The following ADPGK variants were observed in gnomAD, a reference collection of about 807,000 sequenced individuals.
ADPGK encodes the protein ADP dependent glucokinase.
Under a neutral mutation model 42.4 loss-of-function variants are expected in ADPGK, and 26 were observed. The observed-to-expected ratio is 0.61, with a 90% CI of 0.45 to 0.85. The LOEUF (loss-of-function observed/expected upper bound fraction) is 0.85. ADPGK is among the 40% of genes least tolerant of loss of function. ADPGK has a pLI of 0.00. For synonymous variants in ADPGK, 267 were observed against 252.6 expected, an observed-to-expected ratio of 1.06 and a Z score of -0.54; for missense variants, 571 against 627.0, an observed-to-expected ratio of 0.91 and a Z score of 0.95.
At position 72,752,175 on chromosome 15, in the gene ADPGK, G is replaced by A. The variant is rs186436943; in HGVS notation, c.*166C>T. The A allele has an allele frequency of 9.0e-5, 66 of 731,580 alleles. No individual in the cohort carries two copies. The African/African-American group carries it at 1.0e-3, about 11-fold the overall frequency. 45.3% of individuals were successfully genotyped at this position (731,580 alleles called of 1,614,324 possible). ...AAATCCAGTCTCATTAGCTAAATTC[G>A]GATTAAAATCTGAAATGTTTTTATG... On this transcript the variant is annotated 3_prime_UTR_variant, in exon 7 of 7. Transcript: ENST00000456471.
intron 3 of ADPGK, among the ~76,000 whole-genome samples, chr15:72,764,005 T>C (rs753244733): frequency 3.3e-5 from 5 of 152,200 alleles, no homozygotes; most frequent in Non-Finnish European, 7.3e-5. Flanking sequence ...GGACTGGCTG[T>C]TCCCATCTCT....
In ADPGK at chr15:72,757,920, G is replaced by C. The variant is rs973358235; in HGVS notation, c.644-1473C>G. The C allele has an allele frequency of 1.5e-4, 101 of 655,298 alleles. 2 individuals carry two copies. The South Asian group carries it at 1.9e-3, about 12-fold the overall frequency. The allele number at this position is 655,298 out of a possible 1,614,324, so 40.6% of individuals were successfully genotyped here. ...AAGTGACAGAGGCAAAAATAAACAG[G>C]CTCTTCTGCAAGGCAAGGATGAGAA... On this transcript the variant is annotated intron_variant, in intron 4 of 6. Coordinates refer to ENST00000456471, the MANE Select transcript of ADPGK (RefSeq NM_001365225.1).
At position 72,774,976 on chromosome 15, in the gene ADPGK, A is replaced by G; in HGVS notation, c.355T>C (p.Phe119Leu). The G allele has an allele frequency of 6.2e-7, 1 of 1,614,152 alleles. No individual in the cohort carries two copies. The highest frequency in any genetic ancestry group is 8.5e-7 in the Non-Finnish European group (1 of 1,180,022). ...LHSRNDLEEA[F>L]IHFMGKGAAA... ...GCTCCCTTCCCCATGAAGTGAATGA[A>G]GGCTTCTTCCAGATCATTCCTTGAA... Residue 119 changes from phenylalanine to leucine, a missense_variant, in exon 2 of 7, where the codon TTC becomes CTC. This residue lies in a region of ADPGK where 434 missense variants were observed against 522.7 expected (regional missense o/e 0.83). Transcript: ENST00000456471.
chr15:72,775,210 T>A, intron 1 of ADPGK, 113 bp from the exon 2 acceptor site: 1 of 895,638 alleles, frequency 1.1e-6, no homozygotes, highest in Non-Finnish European at 1.7e-6. Flanking sequence ...AAACAGGAAG[T>A]AGGTCTGAAA....
intron 3 of ADPGK, among the ~76,000 whole-genome samples, chr15:72,762,145 C>T (rs1232891216): frequency 6.6e-6 from 1 of 152,158 alleles, no homozygotes; most frequent in Non-Finnish European, 1.5e-5. Context: ...GCTGGGATTA[C>T]AGGCATGAGC....
chr15:72,782,379 G>A (rs369503780), intron 1 of ADPGK, among the ~76,000 whole-genome samples: 7 of 151,810 alleles, frequency 4.6e-5, no homozygotes, highest in African/African-American at 1.7e-4. Context: ...TAAAAAATTG[G>A]CTGGGCGTGG....
At chr15:72,781,330 A>G (rs2066455581) in intron 1 of ADPGK, among the ~76,000 whole-genome samples, 1 of 152,056 alleles carries the variant, frequency 6.6e-6, no homozygotes, top group Admixed American at 6.5e-5. Flanking sequence ...ATCTGGTCCA[A>G]CCCTTCGTTC....
At position 72,761,087 on chromosome 15, in the gene ADPGK, C is replaced by A. The variant is rs148621402; in HGVS notation, c.523-560G>T. Among the ~76,000 whole-genome samples the A allele has an allele frequency of 3.1e-3, 479 of 152,316 alleles. 1 individual carries two copies. Among genetic ancestry groups the A allele is most frequent in the Middle Eastern group, 0.01 (3 of 294 alleles). ...ACCTGCAAGCCAGGAAGAGACTTCTCACCAGAAGCCACACCTTGCTGGAAC... is the reference window on the plus strand; with the variant it reads ...ACCTGCAAGCCAGGAAGAGACTTCTAACCAGAAGCCACACCTTGCTGGAAC... On this transcript the variant is annotated intron_variant, in intron 3 of 6. Coordinates refer to ENST00000456471, the MANE Select transcript of ADPGK (RefSeq NM_001365225.1).
intron 4 of ADPGK, chr15:72,758,309 TCAATGTATCATCC>T (rs2151073169): frequency 2.9e-6 from 2 of 687,370 alleles, no homozygotes; most frequent in African/African-American, 3.5e-5. Context: ...CAATCTCTTC[TCAATGTATCATCC>T]TGCCCTCAGC....
chr15:72,762,159 C>T (rs542650218), intron 3 of ADPGK, among the ~76,000 whole-genome samples: 1 of 152,072 alleles, frequency 6.6e-6, no homozygotes, highest in Non-Finnish European at 1.5e-5. Flanking sequence ...CATGAGCCAC[C>T]GCGCCTGGCC....
At position 72,752,061 on chromosome 15, in the gene ADPGK, A is replaced by T. The variant is rs2066052420; in HGVS notation, c.*280T>A. ...GCTGACATGCTCTCAGGGGTGAAGAAGTTTAGCTTAAAATACCTGATGGCG... is the reference window on the plus strand; with the variant it reads ...GCTGACATGCTCTCAGGGGTGAAGATGTTTAGCTTAAAATACCTGATGGCG... On this transcript the variant is annotated 3_prime_UTR_variant, in exon 7 of 7. Coordinates refer to ENST00000456471, the MANE Select transcript of ADPGK (RefSeq NM_001365225.1). 3 of 397,742 alleles carry T rather than the reference A, an allele frequency of 7.5e-6. No homozygotes were observed. Among genetic ancestry groups the T allele is most frequent in the Non-Finnish European group, 1.4e-5 (3 of 219,510 alleles). The allele number at this position is 397,742 out of a possible 1,614,324, so 24.6% of individuals were successfully genotyped here. A position where few individuals can be genotyped will look rare whatever the true frequency, so the allele number is the denominator to read the frequency against.
In ADPGK at chr15:72,766,598, T is replaced by C. The variant is rs758779766; in HGVS notation, c.522+5185A>G. ...ATGGTACTGCACACTTACTTGACGA[T>C]AGTACGGTGTAAACATACCTTTTAA... On this transcript the variant is annotated intron_variant, in intron 3 of 6. Coordinates refer to ENST00000456471, the MANE Select transcript of ADPGK (RefSeq NM_001365225.1). Among the ~76,000 whole-genome samples the C allele has an allele frequency of 4.1e-4, 62 of 152,232 alleles. 1 individual carries two copies. The highest frequency in any genetic ancestry group is 1.5e-3 in the Admixed American group (23 of 15,278).
intron 3 of ADPGK, among the ~76,000 whole-genome samples, chr15:72,766,275 T>C (rs2066257599): frequency 6.6e-6 from 1 of 152,172 alleles, no homozygotes; most frequent in Admixed American, 6.5e-5. Context: ...CCTGGCCTGA[T>C]TCCAATTTTG....
chr15:72,781,426 T>A (rs1262126756), intron 1 of ADPGK, among the ~76,000 whole-genome samples: 3 of 152,228 alleles, frequency 2.0e-5, no homozygotes, highest in African/African-American at 7.2e-5. Context: ...CATGTACTTT[T>A]TCACATTTGG....
chr15:72,756,860 T>C (rs1156496215), intron 4 of ADPGK: 1 of 170,040 alleles, frequency 5.9e-6, no homozygotes, highest in Non-Finnish European at 1.3e-5. Context: ...CCTCACAGCA[T>C]TGCCCTGAGC....
chr15:72,768,361 G>C (rs1046998064), intron 3 of ADPGK, among the ~76,000 whole-genome samples: 3 of 152,150 alleles, frequency 2.0e-5, no homozygotes, highest in African/African-American at 7.2e-5. Flanking sequence ...ATACCAATGC[G>C]ACACTCACTC....
intron 6 of ADPGK, among the ~76,000 whole-genome samples, chr15:72,754,898 CTG>C (rs1240443364): frequency 2.0e-5 from 3 of 152,136 alleles, no homozygotes; most frequent in Admixed American, 1.3e-4. Context: ...CAAAAGAACT[CTG>C]GAAATAAACT....
chr15:72,783,745 C>T lies in ADPGK; in HGVS notation c.-54G>A, dbSNP rs1191917780. ...CCAACTCCTTTCCTAGCCCGCGCCT[C>T]TTCCGGGCTCGGCGCGCGCCGATGT... On this transcript the variant is annotated 5_prime_UTR_variant, in exon 1 of 7. Coordinates refer to ENST00000456471, the MANE Select transcript of ADPGK (RefSeq NM_001365225.1). 1.6e-5 allele frequency: 22 copies of T among 1,393,458 alleles called. No individual in the cohort carries two copies. The highest frequency in any genetic ancestry group is 1.9e-5 in the Non-Finnish European group (20 of 1,074,858). The allele number at this position is 1,393,458 out of a possible 1,614,324, so 86.3% of individuals were successfully genotyped here. A position where few individuals can be genotyped will look rare whatever the true frequency, so the allele number is the denominator to read the frequency against.
chr15:72,755,226 T>A (rs2066096064), intron 6 of ADPGK, among the ~76,000 whole-genome samples: 1 of 152,254 alleles, frequency 6.6e-6, no homozygotes, highest in Non-Finnish European at 1.5e-5. Flanking sequence ...TCAAAGTTTC[T>A]TTGCTTTGAG....
Sources: gnomAD v4.1 joint callset for allele counts (sites outside exome capture counted in the v4.1 genomes callset) on GRCh38, gnomAD v4.1.1 for gene constraint, gnomAD v4.1.1 regional missense constraint, MANE v1.5 for transcripts, NCBI Gene and HGNC (gene_info 2026-07-23, HGNC 2026-07-21) for gene names.